Variants in PTPRD observed in about 807,000 individuals in gnomAD.
PTPRD encodes the protein receptor-type tyrosine-protein phosphatase delta.
A neutral mutation model predicts 214.5 loss-of-function variants in PTPRD; 34 were observed. The observed-to-expected ratio is 0.16, with a 90% CI of 0.12 to 0.21. The LOEUF is 0.21. PTPRD is among the 10% of genes least tolerant of loss of function. The pLI is 1.00. For missense variants in PTPRD, 2,545 were observed against 2,398.7 expected (o/e 1.06, Z -1.27); for synonymous variants, 1,128 against 845.7 (o/e 1.33, Z -5.79).
intron 31 of PTPRD, 87 bp downstream of exon 31, chr9:8,470,908 G>T: frequency 8.5e-7 from 1 of 1,182,238 alleles, no homozygotes; most frequent in Middle Eastern, 1.9e-4. Context: ...ACCCAGATTA[G>T]ATCCTGAAAG....
chr9:9,655,223 C>G (rs1024396365), intron 7 of PTPRD, among the ~76,000 whole-genome samples: 2 of 151,936 alleles, frequency 1.3e-5, no homozygotes, highest in Non-Finnish European at 2.9e-5. Flanking sequence ...AAACTGTTAT[C>G]CAAAATATGC....
chr9:10,511,569 ATTT>A (rs66768632), intron 2 of PTPRD, among the ~76,000 whole-genome samples: 32,180 of 127,728 alleles, frequency 0.25, 4,543 homozygotes, highest in Middle Eastern at 0.34. Flanking sequence ...ACACCCTGGT[ATTT>A]TTTTTTTTTT....
chr9:8,946,614 G>A (rs1457442695), intron 11 of PTPRD, among the ~76,000 whole-genome samples: 1 of 152,128 alleles, frequency 6.6e-6, no homozygotes, highest in Non-Finnish European at 1.5e-5. Context: ...GTGGAGTACT[G>A]CTAATGGGGG....
At chr9:8,996,625 G>C (rs748099188) in intron 11 of PTPRD, among the ~76,000 whole-genome samples, 2 of 152,018 alleles carry the variant, frequency 1.3e-5, no homozygotes, top group Non-Finnish European at 2.9e-5. Flanking sequence ...GGCACCAGCA[G>C]ATTCAGTGTC....
At chr9:10,590,184 C>T (rs2075065059) in intron 2 of PTPRD, among the ~76,000 whole-genome samples, 1 of 151,882 alleles carries the variant, frequency 6.6e-6, no homozygotes, top group African/African-American at 2.4e-5. Flanking sequence ...AACAATCATA[C>T]AAATTAGGGT....
chr9:10,569,648 T>C (rs2066817170), intron 2 of PTPRD, among the ~76,000 whole-genome samples: 1 of 152,220 alleles, frequency 6.6e-6, no homozygotes, highest in East Asian at 1.9e-4. Context: ...TAATTCATTA[T>C]AACATTTTCT....
intron 2 of PTPRD, among the ~76,000 whole-genome samples, chr9:10,525,137 C>T (rs1367574908): frequency 2.0e-5 from 3 of 151,880 alleles, no homozygotes; most frequent in Non-Finnish European, 4.4e-5. Context: ...AAAGTTAGTA[C>T]ATTTATCCAA....
At chr9:8,471,529 G>A (rs1172573465) in intron 30 of PTPRD, among the ~76,000 whole-genome samples, 2 of 152,102 alleles carry the variant, frequency 1.3e-5, no homozygotes, top group African/African-American at 2.4e-5. Flanking sequence ...TAGTAGTGCT[G>A]TTGTTTATAC....
chr9:9,489,991 A>G (rs2154208185), intron 8 of PTPRD, among the ~76,000 whole-genome samples: 1 of 152,218 alleles, frequency 6.6e-6, no homozygotes, highest in East Asian at 1.9e-4. Flanking sequence ...ACAAAGAGAA[A>G]ATCTTAAAAG....
chr9:8,803,116 G>T (rs192882630), intron 11 of PTPRD, among the ~76,000 whole-genome samples: 38 of 151,912 alleles, frequency 2.5e-4, no homozygotes, highest in Admixed American at 2.5e-3. Context: ...CTCCTAGGGC[G>T]GTTAAAAGAA....
chr9:10,591,361 G>A (rs924982759), intron 2 of PTPRD, among the ~76,000 whole-genome samples: 1 of 151,998 alleles, frequency 6.6e-6, no homozygotes, highest in Admixed American at 6.6e-5. Context: ...CTGTACTACT[G>A]GCACGTGTTT....
At chr9:9,008,597 G>A (rs538690155) in intron 11 of PTPRD, among the ~76,000 whole-genome samples, 2 of 152,218 alleles carry the variant, frequency 1.3e-5, no homozygotes, top group East Asian at 1.9e-4. Context: ...AAAGGATGGA[G>A]TTAACTTTGT....
chr9:8,342,008 A>G lies in PTPRD; in HGVS notation c.4662-30T>C, dbSNP rs373923098. On this transcript the variant is annotated intron_variant, in intron 39 of 45. Transcript: ENST00000381196. ...GAGGAAAATAGAGAAGAAAAGCCCA[A>G]ATAAACCTATCAGAAAATCAATACA... 4.9e-5 allele frequency: 76 copies of G among 1,553,072 alleles called. No individual in the cohort carries two copies. In the African/African-American group the frequency reaches 9.8e-4, roughly 20 times the overall value.
In PTPRD at chr9:8,467,008, C is replaced by A. The variant is rs1410830649; in HGVS notation, c.3505-1333G>T. 2.6e-5 allele frequency among the ~76,000 whole-genome samples: 4 copies of A among 151,826 alleles called. No individual in the cohort carries two copies. In the South Asian group the frequency reaches 6.2e-4, roughly 24 times the overall value. On this transcript the variant is annotated intron_variant, in intron 31 of 45. Coordinates refer to ENST00000381196, the MANE Select transcript of PTPRD (RefSeq NM_002839.4). ...ATCGTACGTTACAGTCCCTCCTACA[C>A]TGGGAGTAGTAAATGTGTTCAGCTG...
chr9:9,678,254 T>A (rs1305734126), intron 7 of PTPRD, among the ~76,000 whole-genome samples: 2 of 152,086 alleles, frequency 1.3e-5, no homozygotes, highest in Non-Finnish European at 2.9e-5. Context: ...AGAGTCCACA[T>A]TGCCAAGACA....
intron 21 of PTPRD, among the ~76,000 whole-genome samples, chr9:8,509,465 C>G (rs1160821409): frequency 1.3e-5 from 2 of 152,018 alleles, no homozygotes; most frequent in African/African-American, 4.8e-5. Context: ...TCCTGGGAAA[C>G]AAGAAAGTTT....
intron 8 of PTPRD, among the ~76,000 whole-genome samples, chr9:9,406,315 G>C (rs999052715): frequency 6.6e-5 from 10 of 151,794 alleles, no homozygotes; most frequent in Non-Finnish European, 1.2e-4. Flanking sequence ...TCAATTAGAA[G>C]GCTTAGAACA....
Position 9,576,225 on chromosome 9 carries a change from T to C in PTPRD, c.-286-1444A>G, listed in dbSNP as rs946754654. ...TAACTTCATTTATTTCATGAAGGAATAATACTTCATTCTTAGGAAGGATGA... is the reference window on the plus strand; with the variant it reads ...TAACTTCATTTATTTCATGAAGGAACAATACTTCATTCTTAGGAAGGATGA... On this transcript the variant is annotated intron_variant, in intron 7 of 45. Transcript: ENST00000381196. 3.9e-5 allele frequency among the ~76,000 whole-genome samples: 6 copies of C among 152,166 alleles called. No individual in the cohort carries two copies. In the South Asian group the frequency reaches 1.2e-3, roughly 32 times the overall value.
chr9:10,084,835 T>C (rs2098304366), intron 3 of PTPRD, among the ~76,000 whole-genome samples: 1 of 151,902 alleles, frequency 6.6e-6, no homozygotes, highest in South Asian at 2.1e-4. Context: ...CTGGTTCCTA[T>C]TTAGTTCAAC....
Sources: gnomAD v4.1 joint callset for allele counts (sites outside exome capture counted in the v4.1 genomes callset) on GRCh38, gnomAD v4.1.1 for gene constraint, MANE v1.5 for transcripts, NCBI Gene and HGNC (gene_info 2026-07-23, HGNC 2026-07-21) for gene names.